MTSS1: variants seen among roughly 807,000 people sequenced by gnomAD.
MTSS1 encodes protein MTSS 1.
MTSS1 carries 18 observed loss-of-function variants against 79.0 expected under a neutral mutation model. That is an observed-to-expected ratio of 0.23 (90% CI 0.16 to 0.34). The LOEUF (loss-of-function observed/expected upper bound fraction) is 0.34. MTSS1 is among the 10% of genes least tolerant of loss of function. The probability of loss-of-function intolerance (pLI) is 1.00; values close to 1 mark genes in which losing one functional copy is unlikely to be tolerated. For missense variants in MTSS1, 815 were observed against 986.2 expected, an observed-to-expected ratio of 0.83 and a Z score of 2.33; for synonymous variants, 341 against 368.6, an observed-to-expected ratio of 0.93 and a Z score of 0.86.
intron 3 of MTSS1, among the ~76,000 whole-genome samples, chr8:124,601,336 A>C (rs1833780551): frequency 6.6e-6 from 1 of 152,142 alleles, no homozygotes; most frequent in Admixed American, 6.5e-5. Flanking sequence ...TGCTGGGATT[A>C]TAGGCATGAG....
chr8:124,595,699 G>A (rs1438143868), intron 3 of MTSS1, among the ~76,000 whole-genome samples: 1 of 152,048 alleles, frequency 6.6e-6, no homozygotes, highest in African/African-American at 2.4e-5. Flanking sequence ...CTTTGGCCAC[G>A]TACAGTAACA....
chr8:124,656,064 T>C (rs1055161721), intron 3 of MTSS1, among the ~76,000 whole-genome samples: 5 of 152,242 alleles, frequency 3.3e-5, no homozygotes, highest in African/African-American at 9.6e-5. Flanking sequence ...CTAATGTGTC[T>C]TGAGCATTGA....
At chr8:124,578,394 T>C (rs192309194) in intron 6 of MTSS1, among the ~76,000 whole-genome samples, 2 of 152,202 alleles carry the variant, frequency 1.3e-5, no homozygotes, top group Admixed American at 6.5e-5. Context: ...CCCCTCCTCA[T>C]TCTTCAACAG....
At chr8:124,586,870 G>A (rs1587011185) in intron 5 of MTSS1, among the ~76,000 whole-genome samples, 1 of 152,172 alleles carries the variant, frequency 6.6e-6, no homozygotes, top group East Asian at 1.9e-4. Context: ...ATGGGAAGGA[G>A]GGGGAAATAT....
At chr8:124,667,081 G>T (rs539999507) in intron 3 of MTSS1, among the ~76,000 whole-genome samples, 14 of 152,226 alleles carry the variant, frequency 9.2e-5, no homozygotes, top group Admixed American at 3.3e-4. Flanking sequence ...GGATTCAGGT[G>T]GAGGGGAGAG....
At chr8:124,616,502 G>A (rs1836895940) in intron 3 of MTSS1, among the ~76,000 whole-genome samples, 1 of 152,130 alleles carries the variant, frequency 6.6e-6, no homozygotes, top group Non-Finnish European at 1.5e-5. Context: ...GTGCTGGGCA[G>A]AGGAAAAATA....
intron 3 of MTSS1, among the ~76,000 whole-genome samples, chr8:124,603,794 G>T (rs1016908388): frequency 2.0e-5 from 3 of 152,172 alleles, no homozygotes; most frequent in Non-Finnish European, 4.4e-5. Flanking sequence ...GCAGCGTCCT[G>T]ATACCTTATG....
chr8:124,622,894 C>G (rs1056382137), intron 3 of MTSS1, among the ~76,000 whole-genome samples: 5 of 152,090 alleles, frequency 3.3e-5, no homozygotes, highest in African/African-American at 9.7e-5. Flanking sequence ...ATGTTGTACA[C>G]CTTAAATATA....
chr8:124,727,882 A>T lies in MTSS1; in HGVS notation c.72+2T>A. On this transcript the variant is annotated splice_donor_variant, in intron 1 of 13. Transcript: ENST00000518547. LOFTEE classifies it high-confidence loss of function. This position sits in a 1 kb window ranked among gnomAD's most constrained non-coding sequence, Gnocchi z 4.7. ...GCCGCAGCCGCACCCCCGGCGTCCT[A>T]CCTTCATGTCGCTGATGATGGTCTG... 6.3e-7 allele frequency: 1 copy of T among 1,597,552 alleles called. No individual in the cohort carries two copies. Among genetic ancestry groups the T allele is most frequent in the Non-Finnish European group, 8.5e-7 (1 of 1,174,354 alleles).
At position 124,562,995 on chromosome 8, in the gene MTSS1, G is replaced by A. The variant is rs1351687294; in HGVS notation, c.825-3C>T. ...TGCTGTTGACACTGTTCAGGCTGCT[G>A]TGGAGGACAAGCAGGGGTGAGGGGT... On this transcript the variant is annotated splice_polypyrimidine_tract_variant and splice_region_variant and intron_variant, in intron 9 of 13. Transcript: ENST00000518547. 1 of 1,602,864 alleles carries A rather than the reference G, an allele frequency of 6.2e-7. No homozygotes were observed. Among genetic ancestry groups the A allele is most frequent in the South Asian group, 1.1e-5 (1 of 89,440 alleles).
chr8:124,605,609 TCGCG>T lies in MTSS1; in HGVS notation c.209-14378_209-14375del, dbSNP rs1281440539. 9.5e-3 allele frequency among the ~76,000 whole-genome samples: 1,387 copies of T among 146,414 alleles called. 21 individuals are homozygous for T. The highest frequency in any genetic ancestry group is 0.022 in the African/African-American group (833 of 37,246). On this transcript the variant is annotated intron_variant, in intron 3 of 13. Transcript: ENST00000518547. ...CCTCTCGCTGCCTCCCTCCCTGCCC[TCGCG>T]CTGCCTCCCTCCCTGCCCTCGCGCT... is the stretch of plus-strand genomic sequence containing the variant.
chr8:124,581,558 C>G (rs565612079), intron 6 of MTSS1, among the ~76,000 whole-genome samples: 1 of 151,686 alleles, frequency 6.6e-6, no homozygotes. Context: ...CAGGTTCAAG[C>G]AATTCTCCTG....
At chr8:124,650,188 G>A (rs917963288) in intron 3 of MTSS1, among the ~76,000 whole-genome samples, 4 of 151,962 alleles carry the variant, frequency 2.6e-5, no homozygotes, top group African/African-American at 7.3e-5. Flanking sequence ...GCACCACCAC[G>A]CCCAGCTAAT....
At position 124,553,771 on chromosome 8, in the gene MTSS1, G is replaced by T; in HGVS notation, c.1568-79C>A. On this transcript the variant is annotated intron_variant, in intron 13 of 13. Coordinates refer to ENST00000518547, the MANE Select transcript of MTSS1 (RefSeq NM_014751.6). This position sits in a 1 kb window ranked among gnomAD's most constrained non-coding sequence, Gnocchi z 6.0. ...TTCTTCTGGGCTGGGAGGACAAAAGGCACGCAAGGCAGGGTACACACACAG... is the reference window on the plus strand; with the variant it reads ...TTCTTCTGGGCTGGGAGGACAAAAGTCACGCAAGGCAGGGTACACACACAG... 2 of 1,266,120 alleles carry T rather than the reference G, an allele frequency of 1.6e-6. No individual in the cohort carries two copies. The highest frequency in any genetic ancestry group is 2.2e-6 in the Non-Finnish European group (2 of 914,152). 78.4% of individuals were successfully genotyped at this position (1,266,120 alleles called of 1,614,324 possible).
At position 124,582,587 on chromosome 8, in the gene MTSS1, A is replaced by T. The variant is rs1035555009; in HGVS notation, c.460+2500T>A. ...GAAACATATTAAAAAGGAAGTGATT[A>T]TCTGGCTGCATACATCAGATTCCGT... On this transcript the variant is annotated intron_variant, in intron 6 of 13. Coordinates refer to ENST00000518547, the MANE Select transcript of MTSS1 (RefSeq NM_014751.6). The surrounding 1 kb of genome is among the most constrained non-coding windows in gnomAD (Gnocchi z 4.8). Among the ~76,000 whole-genome samples, 2 of 152,208 alleles carry T rather than the reference A, an allele frequency of 1.3e-5. No individual in the cohort carries two copies. Among genetic ancestry groups the T allele is most frequent in the Non-Finnish European group, 2.9e-5 (2 of 68,036 alleles).
chr8:124,552,940 TAG>T lies in MTSS1; in HGVS notation c.*50_*51del. On this transcript the variant is annotated 3_prime_UTR_variant, in exon 14 of 14. Coordinates refer to ENST00000518547, the MANE Select transcript of MTSS1 (RefSeq NM_014751.6). The stretch of plus-strand genomic sequence containing the variant: ...TAGAGTGGAATGGATCAAGACAAAT[TAG>T]GTTTTATTAATGAAACAGTTCATTC... 1.3e-6 allele frequency: 2 copies of T among 1,550,222 alleles called. No homozygotes were observed. The highest frequency in any genetic ancestry group is 1.8e-6 in the Non-Finnish European group (2 of 1,134,600).
chr8:124,616,246 AGCCTATGTTTATTT>A, intron 3 of MTSS1, among the ~76,000 whole-genome samples: 1 of 152,264 alleles, frequency 6.6e-6, no homozygotes, highest in South Asian at 2.1e-4. Flanking sequence ...TGCAAAGGAG[AGCCTATGTTTATTT>A]GCACTGGATT....
intron 3 of MTSS1, among the ~76,000 whole-genome samples, chr8:124,603,770 A>G (rs1346742845): frequency 2.0e-5 from 3 of 152,242 alleles, no homozygotes; most frequent in African/African-American, 7.2e-5. Flanking sequence ...CCCTGGTCAC[A>G]CATAAGTCAC....
At chr8:124,634,399 T>C (rs1159718507) in intron 3 of MTSS1, among the ~76,000 whole-genome samples, 1 of 152,098 alleles carries the variant, frequency 6.6e-6, no homozygotes, top group Non-Finnish European at 1.5e-5. Flanking sequence ...CCTCCTGCCT[T>C]GGCCTTTCAA....
Sources: gnomAD v4.1 joint callset for allele counts (sites outside exome capture counted in the v4.1 genomes callset) on GRCh38, gnomAD v4.1.1 for gene constraint, Gnocchi (gnomAD v3.1) non-coding constraint, MANE v1.5 for transcripts, NCBI Gene and HGNC (gene_info 2026-07-23, HGNC 2026-07-21) for gene names.